The following CNTN5 variants were observed in gnomAD, a reference collection of about 807,000 sequenced individuals.
The protein encoded by CNTN5 is contactin-5.
CNTN5 carries 77 observed loss-of-function variants against 129.1 expected under a neutral mutation model. The observed-to-expected ratio is 0.60, with a 90% CI of 0.50 to 0.72. The LOEUF (loss-of-function observed/expected upper bound fraction) is 0.72, where lower values mean the gene tolerates loss of function less well. Among genes scored for constraint, CNTN5 ranks in the 30% least tolerant of loss-of-function variants. The pLI is 0.00. For synonymous variants in CNTN5, 509 were observed against 465.6 expected (o/e 1.09, Z -1.20); for missense variants, 1,478 against 1,328.8 (o/e 1.11, Z -1.75).
intron 13 of CNTN5, among the ~76,000 whole-genome samples, chr11:100,138,515 A>G (rs1946595853): frequency 6.6e-6 from 1 of 152,126 alleles, no homozygotes; most frequent in Non-Finnish European, 1.5e-5. Flanking sequence ...GCCAAAAAAT[A>G]GGAATTAGGA....
At chr11:99,981,097 TATATATAC>T (rs1455939909) in intron 8 of CNTN5, among the ~76,000 whole-genome samples, 11 of 126,880 alleles carry the variant, frequency 8.7e-5, no homozygotes, top group East Asian at 2.9e-4. Context: ...TATATATATA[TATATATAC>T]ACACACACAC....
At position 99,453,614 on chromosome 11, in the gene CNTN5, G is replaced by GA. The variant is rs1216041565; in HGVS notation, c.-70-102525dup. On this transcript the variant is annotated intron_variant, in intron 2 of 24. Coordinates refer to ENST00000524871, the MANE Select transcript of CNTN5 (RefSeq NM_014361.4). ...ATAATTTTCAAAATTTATGAGCGAT[G>GA]AAAAAACTAAAGATCTTCAAATGAA... is the stretch of plus-strand genomic sequence containing the variant. 2.0e-5 allele frequency among the ~76,000 whole-genome samples: 3 copies of GA among 152,142 alleles called. No individual in the cohort carries two copies. The East Asian group carries it at 5.8e-4, about 29-fold the overall frequency.
Position 100,301,797 on chromosome 11 carries a change from A to G in CNTN5, c.2620+2401A>G, listed in dbSNP as rs1951226371. Reference sequence around the variant, plus strand: ...TGAGGCTTAGCTTCCTCCACTTTAAAAATGAAGGTCTCAAAATAGAACATC... The same window carrying G: ...TGAGGCTTAGCTTCCTCCACTTTAAGAATGAAGGTCTCAAAATAGAACATC... On this transcript the variant is annotated intron_variant, in intron 20 of 24. Coordinates refer to ENST00000524871, the MANE Select transcript of CNTN5 (RefSeq NM_014361.4). Among the ~76,000 whole-genome samples the G allele has an allele frequency of 5.9e-5, 9 of 151,624 alleles. No homozygotes were observed. In the South Asian group the frequency reaches 1.9e-3, roughly 31 times the overall value.
At chr11:99,025,232 A>C (rs1352363152) in intron 1 of CNTN5, among the ~76,000 whole-genome samples, 5 of 151,906 alleles carry the variant, frequency 3.3e-5, no homozygotes, top group Non-Finnish European at 7.4e-5. Context: ...TTTTCTATGA[A>C]AAATATTGTT....
In CNTN5 at chr11:100,276,566, C is replaced by T. The variant is rs1950518521; in HGVS notation, c.2314+5325C>T. On this transcript the variant is annotated intron_variant, in intron 18 of 24. Coordinates refer to ENST00000524871, the MANE Select transcript of CNTN5 (RefSeq NM_014361.4). ...AAAAAAAAAAAAGGAAAGAAACACT[C>T]TTGATAGTCAGCAAAGCTAAGATAA... is the stretch of plus-strand genomic sequence containing the variant. 2.1e-5 allele frequency among the ~76,000 whole-genome samples: 3 copies of T among 145,604 alleles called. No homozygotes were observed. The South Asian group carries it at 6.6e-4, about 32-fold the overall frequency.
At chr11:99,770,647 C>T (rs889083054) in intron 3 of CNTN5, among the ~76,000 whole-genome samples, 1 of 151,896 alleles carries the variant, frequency 6.6e-6, no homozygotes, top group African/African-American at 2.4e-5. Context: ...GTTTGTAATG[C>T]ACAGATCTTT....
chr11:99,101,111 A>G (rs1866712679), intron 1 of CNTN5, among the ~76,000 whole-genome samples: 1 of 152,146 alleles, frequency 6.6e-6, no homozygotes, highest in Non-Finnish European at 1.5e-5. Flanking sequence ...GGCAAGAGAG[A>G]GAAGGAGAAC....
chr11:99,910,506 T>C (rs1200002146), intron 6 of CNTN5, among the ~76,000 whole-genome samples: 1 of 152,128 alleles, frequency 6.6e-6, no homozygotes, highest in East Asian at 1.9e-4. Flanking sequence ...ATGTCCTTAT[T>C]GAAGATTATT....
intron 9 of CNTN5, among the ~76,000 whole-genome samples, chr11:100,047,861 G>GGT: frequency 6.6e-6 from 1 of 152,070 alleles, no homozygotes; most frequent in Non-Finnish European, 1.5e-5. Context: ...GGCCTGAGGC[G>GGT]GTGGTTCACG....
intron 1 of CNTN5, among the ~76,000 whole-genome samples, chr11:99,130,502 A>G (rs1858877950): frequency 6.6e-6 from 1 of 152,170 alleles, no homozygotes; most frequent in Non-Finnish European, 1.5e-5. Flanking sequence ...TTAGACCCCC[A>G]CACGATAATA....
intron 2 of CNTN5, among the ~76,000 whole-genome samples, chr11:99,409,719 C>T (rs541277630): frequency 6.6e-6 from 1 of 152,238 alleles, no homozygotes; most frequent in Admixed American, 6.5e-5. Flanking sequence ...CGAGTGAACT[C>T]GTTGAATTGC....
intron 1 of CNTN5, among the ~76,000 whole-genome samples, chr11:99,290,515 G>T (rs1303129004): frequency 6.6e-6 from 1 of 151,652 alleles, no homozygotes; most frequent in Non-Finnish European, 1.5e-5. Flanking sequence ...AGACAGAGGT[G>T]GTGTTTCATT....
chr11:99,275,943 C>G (rs940216726), intron 1 of CNTN5, among the ~76,000 whole-genome samples: 1 of 151,406 alleles, frequency 6.6e-6, no homozygotes, highest in African/African-American at 2.4e-5. Context: ...ATAATTGAAG[C>G]CATATTTGAA....
At chr11:100,100,133 T>G (rs11222756) in intron 13 of CNTN5, among the ~76,000 whole-genome samples, 14,007 of 152,130 alleles carry the variant, frequency 0.092, 1,967 homozygotes, top group African/African-American at 0.31. Context: ...GGCTGCAGTT[T>G]CCAAAGCTAA....
At chr11:100,067,772 A>T (rs924454175) in intron 10 of CNTN5, among the ~76,000 whole-genome samples, 1 of 152,076 alleles carries the variant, frequency 6.6e-6, no homozygotes, top group Non-Finnish European at 1.5e-5. Flanking sequence ...CAGCAAACAG[A>T]TATGATAGCA....
intron 6 of CNTN5, among the ~76,000 whole-genome samples, chr11:99,876,469 C>T (rs577912351): frequency 3.3e-5 from 5 of 152,246 alleles, no homozygotes; most frequent in African/African-American, 7.2e-5. Context: ...CCCTATTTAG[C>T]TTCTTTCTCA....
chr11:100,292,166 G>T (rs182018873), intron 18 of CNTN5, among the ~76,000 whole-genome samples: 1 of 151,830 alleles, frequency 6.6e-6, no homozygotes, highest in Non-Finnish European at 1.5e-5. Flanking sequence ...ACTTTCCAGC[G>T]GTGCTCTGGT....
intron 13 of CNTN5, 134 bp downstream of exon 13, chr11:100,074,428 G>A (rs1944046590): frequency 7.7e-6 from 6 of 780,570 alleles, no homozygotes; most frequent in East Asian, 2.9e-5. Flanking sequence ...ACATGGTTTT[G>A]CCTATATAGT....
At chr11:99,809,792 C>CT (rs1252522577) in intron 3 of CNTN5, among the ~76,000 whole-genome samples, 31 of 152,062 alleles carry the variant, frequency 2.0e-4, no homozygotes, top group Admixed American at 1.9e-3. Context: ...GCAATGCTAG[C>CT]TTTTTTTGAT....
Sources: allele counts gnomAD v4.1 joint callset (sites outside exome capture counted in the v4.1 genomes callset), GRCh38; gene constraint gnomAD v4.1.1; transcripts MANE v1.5; gene names NCBI Gene and HGNC (gene_info 2026-07-23, HGNC 2026-07-21).